FAM47E: variants seen among roughly 807,000 people sequenced by gnomAD.
FAM47E encodes family with sequence similarity 47 member E.
Under a neutral mutation model 41.6 loss-of-function variants are expected in FAM47E, and 32 were observed. The observed-to-expected ratio is 0.77, with a 90% CI of 0.58 to 1.03. The LOEUF is 1.03. Ranked by LOEUF, FAM47E falls within the 50% of genes least tolerant of loss-of-function variation. The probability of loss-of-function intolerance (pLI) is 0.00; values close to 1 mark genes in which losing one functional copy is unlikely to be tolerated. For missense variants in FAM47E, 424 were observed against 485.4 expected, an observed-to-expected ratio of 0.87 and a Z score of 1.19; for synonymous variants, 184 against 188.7, an observed-to-expected ratio of 0.98 and a Z score of 0.20.
chr4:76,238,834 T>G (rs1335966081), intron 2 of FAM47E, among the ~76,000 whole-genome samples: 1 of 152,212 alleles, frequency 6.6e-6, no homozygotes, highest in Non-Finnish European at 1.5e-5. Context: ...ACAATCATAT[T>G]GTTGTGCTGC....
chr4:76,229,215 G>A (rs1386855123), intron 2 of FAM47E, among the ~76,000 whole-genome samples: 2 of 152,012 alleles, frequency 1.3e-5, no homozygotes, highest in African/African-American at 4.8e-5. Context: ...TATGATGTCT[G>A]TTTCTCTGGA....
chr4:76,224,446 C>T (rs890506871), intron 2 of FAM47E, among the ~76,000 whole-genome samples: 2 of 152,184 alleles, frequency 1.3e-5, no homozygotes, highest in African/African-American at 4.8e-5. Flanking sequence ...CTCCCAAGTC[C>T]TTAAGAAAAA....
intron 1 of FAM47E, among the ~76,000 whole-genome samples, chr4:76,252,978 C>T (rs1159810581): frequency 6.6e-6 from 1 of 152,160 alleles, no homozygotes; most frequent in Non-Finnish European, 1.5e-5. Context: ...CATAAAGATA[C>T]AAAACTGTTC....
rs527897789 is a variant in FAM47E, at chr4:76,258,267, C to T, written c.420+1744C>T. On this transcript the variant is annotated intron_variant, in intron 2 of 7. Transcript: ENST00000424749. ...AGCAGAAAGAGAATGCACCTTTTTGCATGATCCCAGAAAACTTCCATAGCC... is the reference window on the plus strand; with the variant it reads ...AGCAGAAAGAGAATGCACCTTTTTGTATGATCCCAGAAAACTTCCATAGCC... 3.3e-5 allele frequency among the ~76,000 whole-genome samples: 5 copies of T among 152,314 alleles called. No homozygotes were observed. The South Asian group carries it at 8.3e-4, about 25-fold the overall frequency.
At chr4:76,279,963 T>A (rs140773245) in intron 6 of FAM47E, 541 of 232,206 alleles carry the variant, frequency 2.3e-3, no homozygotes, top group Non-Finnish European at 3.7e-3. Flanking sequence ...GTGGACATAC[T>A]GTTAATCTTA....
At chr4:76,256,656 G>A (rs1364310909) in intron 2 of FAM47E, 133 bp downstream of exon 2, 10 of 1,138,210 alleles carry the variant, frequency 8.8e-6, no homozygotes, top group African/African-American at 1.6e-5. Context: ...CCCAGGATGC[G>A]AGTTCTTATG....
chr4:76,249,789 A>G (rs1381527655), upstream of FAM47E, among the ~76,000 whole-genome samples: 1 of 152,030 alleles, frequency 6.6e-6, no homozygotes, highest in African/African-American at 2.4e-5. Flanking sequence ...AGAATGTACA[A>G]TGTTTGGTTT....
intron 2 of FAM47E, among the ~76,000 whole-genome samples, chr4:76,238,367 C>A (rs1733632207): frequency 6.6e-6 from 1 of 152,130 alleles, no homozygotes; most frequent in Non-Finnish European, 1.5e-5. Context: ...ACTGTTTGTC[C>A]CTTTCTAAAA....
intron 2 of FAM47E, among the ~76,000 whole-genome samples, chr4:76,244,328 CA>C (rs1733775236): frequency 1.3e-5 from 2 of 152,116 alleles, no homozygotes; most frequent in Non-Finnish European, 2.9e-5. Flanking sequence ...CTGTCTTCCA[CA>C]ATGGTCGAAC....
rs1345241901 is a variant in FAM47E, at chr4:76,256,252, A to G, written c.149A>G (p.Lys50Arg). Residue 50 changes from lysine (K) to arginine (R), a missense_variant, in exon 2 of 8, where the codon AAG (lysine) becomes AGG (arginine). Coordinates refer to ENST00000424749, the MANE Select transcript of FAM47E (RefSeq NM_001136570.3). ...LHSRQLVFPR[K>R]GLDDFRKGCP... The stretch of plus-strand genomic sequence containing the variant: ...AGCCGGCAGTTGGTATTTCCAAGAA[A>G]GGGGCTGGACGACTTCAGGAAGGGC... 39 of 1,551,592 alleles carry G rather than the reference A, an allele frequency of 2.5e-5. No homozygotes were observed. Among genetic ancestry groups the G allele is most frequent in the Non-Finnish European group, 3.2e-5 (37 of 1,147,002 alleles).
intron 7 of FAM47E, chr4:76,281,862 T>A (rs1735360654): frequency 6.6e-6 from 1 of 152,200 alleles, no homozygotes; most frequent in Admixed American, 6.5e-5. Flanking sequence ...CACAAGATAG[T>A]GAAAGCTGGG....
At chr4:76,277,918 C>A in intron 5 of FAM47E, 151 bp from the exon 6 acceptor site, 2 of 941,924 alleles carry the variant, frequency 2.1e-6, no homozygotes, top group Non-Finnish European at 2.8e-6. Flanking sequence ...TTTGTAAAAT[C>A]AAAGCATGCT....
upstream of FAM47E, among the ~76,000 whole-genome samples, chr4:76,251,280 A>G (rs183834437): frequency 6.6e-6 from 1 of 152,126 alleles, no homozygotes; most frequent in Non-Finnish European, 1.5e-5. Flanking sequence ...AGGCTGTGAG[A>G]CCAAGAGAGT....
intron 3 of FAM47E, among the ~76,000 whole-genome samples, chr4:76,264,546 C>T (rs1039647116): frequency 9.9e-5 from 15 of 152,022 alleles, no homozygotes; most frequent in South Asian, 2.1e-4. Context: ...ATAACATAAA[C>T]GCAGTGATAA....
upstream of FAM47E, among the ~76,000 whole-genome samples, chr4:76,248,157 G>A (rs201977974): frequency 4.6e-5 from 7 of 151,686 alleles, no homozygotes; most frequent in African/African-American, 9.7e-5. Flanking sequence ...ATCGTGATCC[G>A]CCCATCTCAG....
At chr4:76,256,621 T>G (rs1018195715) in intron 2 of FAM47E, 98 bp downstream of exon 2, 19 of 1,366,360 alleles carry the variant, frequency 1.4e-5, no homozygotes, top group Non-Finnish European at 1.9e-5. Flanking sequence ...GTGACATATT[T>G]ATAAGAGGAG....
intron 1 of FAM47E, among the ~76,000 whole-genome samples, chr4:76,216,893 C>T (rs766861684): frequency 3.3e-5 from 5 of 152,228 alleles, no homozygotes; most frequent in African/African-American, 4.8e-5. Context: ...CCCAAAATAG[C>T]AGTCTGTGAT....
Position 76,271,558 on chromosome 4 carries a change from A to G in FAM47E, c.670-10A>G. 1 of 1,551,954 alleles carries G rather than the reference A, an allele frequency of 6.4e-7. No homozygotes were observed. The highest frequency in any genetic ancestry group is 1.2e-5 in the South Asian group (1 of 84,044). ...TTGCCCTCAATTCATGCAATGTGAT[A>G]TTCTTCCAGGGAATTTCGGACATCG... is the stretch of plus-strand genomic sequence containing the variant. On this transcript the variant is annotated splice_polypyrimidine_tract_variant and intron_variant, in intron 4 of 7. Coordinates refer to ENST00000424749, the MANE Select transcript of FAM47E (RefSeq NM_001136570.3).
intron 1 of FAM47E, among the ~76,000 whole-genome samples, chr4:76,255,273 T>C (rs1248974532): frequency 6.6e-6 from 1 of 152,220 alleles, no homozygotes; most frequent in African/African-American, 2.4e-5. Context: ...TTTTTTAACT[T>C]CTTTGTGCTC....
Sources: allele counts gnomAD v4.1 joint callset (sites outside exome capture counted in the v4.1 genomes callset), GRCh38; gene constraint gnomAD v4.1.1; transcripts MANE v1.5; gene names NCBI Gene and HGNC (gene_info 2026-07-23, HGNC 2026-07-21).